Variants in DHRSX observed in about 807,000 individuals in gnomAD.
DHRSX encodes polyprenol dehydrogenase.
A neutral mutation model predicts 34.0 loss-of-function variants in DHRSX; 31 were observed. The ratio of observed to expected loss-of-function variants is 0.91; its 90% confidence interval spans 0.69 to 1.23. The LOEUF (loss-of-function observed/expected upper bound fraction) is 1.23. Among genes scored for constraint, DHRSX ranks in the 50% most tolerant of loss-of-function variants. The pLI is 0.00. For synonymous variants in DHRSX, 201 were observed against 183.8 expected, an observed-to-expected ratio of 1.09 and a Z score of -0.76; for missense variants, 414 against 428.1, an observed-to-expected ratio of 0.97 and a Z score of 0.29.
intron 1 of DHRSX, among the ~76,000 whole-genome samples, chrX:2,445,487 T>A (rs7056402): frequency 0.66 from 99,845 of 151,994 alleles, 33,972 homozygotes; most frequent in East Asian, 0.77. Flanking sequence ...TATTTGCTAC[T>A]ATCTGAAAGT....
rs74438281 is a variant in DHRSX, at chrX:2,357,827, C to T, written c.286+50918G>A. ...AGCCATTCATAGGGAAAGACAGGCA[C>T]TGTGTGTCAGATCAAGGATTCACCT... is the stretch of plus-strand genomic sequence containing the variant. On this transcript the variant is annotated intron_variant, in intron 3 of 6. Coordinates refer to ENST00000334651, the MANE Select transcript of DHRSX (RefSeq NM_145177.3). 6.7e-3 allele frequency among the ~76,000 whole-genome samples: 1,025 copies of T among 152,122 alleles called. 7 individuals are homozygous for T. The highest frequency in any genetic ancestry group is 0.015 in the South Asian group (72 of 4,822).
chrX:2,319,488 A>G (rs2042281062), intron 3 of DHRSX, among the ~76,000 whole-genome samples: 1 of 146,612 alleles, frequency 6.8e-6, no homozygotes, highest in African/African-American at 2.5e-5. Context: ...GGTTGCAGTG[A>G]GCCGAGATCG....
At chrX:2,483,230 T>C (rs1351776195) in intron 1 of DHRSX, among the ~76,000 whole-genome samples, 1 of 151,878 alleles carries the variant, frequency 6.6e-6, no homozygotes, top group African/African-American at 2.4e-5. Flanking sequence ...TGATCACACA[T>C]GCGTGCCACC....
At chrX:2,444,747 A>C (rs1360295096) in intron 1 of DHRSX, among the ~76,000 whole-genome samples, 1 of 152,062 alleles carries the variant, frequency 6.6e-6, no homozygotes, top group Non-Finnish European at 1.5e-5. Context: ...AGGTGGGAGC[A>C]TGGCTTGAGT....
chrX:2,293,724 G>C (rs1002153392), intron 3 of DHRSX, among the ~76,000 whole-genome samples: 1 of 152,092 alleles, frequency 6.6e-6, no homozygotes, highest in Admixed American at 6.6e-5. Context: ...CTCCTCACTG[G>C]GGAGCCTCAT....
At chrX:2,464,259 CT>C (rs2044448902) in intron 1 of DHRSX, among the ~76,000 whole-genome samples, 1 of 149,462 alleles carries the variant, frequency 6.7e-6, no homozygotes, top group Non-Finnish European at 1.5e-5. Context: ...GACCATTGCC[CT>C]TTGCACATTG....
chrX:2,370,371 C>T (rs1425049124), intron 3 of DHRSX, among the ~76,000 whole-genome samples: 1 of 152,002 alleles, frequency 6.6e-6, no homozygotes, highest in Non-Finnish European at 1.5e-5. Context: ...GGGGTTTCAC[C>T]ATGTTGGTCA....
chrX:2,248,534 A>C (rs2016353051), intron 5 of DHRSX, among the ~76,000 whole-genome samples: 1 of 149,646 alleles, frequency 6.7e-6, no homozygotes, highest in South Asian at 2.1e-4. Context: ...AATTGCTTGA[A>C]CCCAGAAGGT....
chrX:2,407,085 T>C (rs1187287519), intron 3 of DHRSX, among the ~76,000 whole-genome samples: 1 of 152,032 alleles, frequency 6.6e-6, no homozygotes, highest in Non-Finnish European at 1.5e-5. Flanking sequence ...TATGCAGCCA[T>C]GAAAAAGGAG....
In DHRSX at chrX:2,266,012, G is replaced by A. The variant is rs374442900; in HGVS notation, c.596+728C>T. On this transcript the variant is annotated intron_variant, in intron 5 of 6. Coordinates refer to ENST00000334651, the MANE Select transcript of DHRSX (RefSeq NM_145177.3). ...AGAGCACCAGTGCTCGGCAGACGCAGGAAGCACTGTTCCCAGAGCACCAGT... is the reference window on the plus strand; with the variant it reads ...AGAGCACCAGTGCTCGGCAGACGCAAGAAGCACTGTTCCCAGAGCACCAGT... Among the ~76,000 whole-genome samples, 29 of 142,168 alleles carry A rather than the reference G, an allele frequency of 2.0e-4. No individual in the cohort carries two copies. The East Asian group carries it at 5.9e-3, about 29-fold the overall frequency. 93.3% of individuals were successfully genotyped at this position (142,168 alleles called of 152,430 possible). A position where few individuals can be genotyped will look rare whatever the true frequency, so the allele number is the denominator to read the frequency against.
chrX:2,317,269 T>TTTTTTTTTTTTGG (rs1569487959), intron 3 of DHRSX, among the ~76,000 whole-genome samples: 1 of 132,844 alleles, frequency 7.5e-6, no homozygotes, highest in African/African-American at 2.9e-5. Context: ...TTTTTTTTTT[T>TTTTTTTTTTTTGG]GAGACAGAGT....
At chrX:2,369,396 ATGTCT>A (rs2043030764) in intron 3 of DHRSX, among the ~76,000 whole-genome samples, 1 of 152,190 alleles carries the variant, frequency 6.6e-6, no homozygotes, top group Non-Finnish European at 1.5e-5. Flanking sequence ...GCTTATCTTG[ATGTCT>A]TGTGAGTCAA....
intron 3 of DHRSX, among the ~76,000 whole-genome samples, chrX:2,318,698 C>T (rs185369969): frequency 2.6e-5 from 4 of 151,136 alleles, no homozygotes; most frequent in Non-Finnish European, 5.9e-5. Flanking sequence ...AGAAAACTCA[C>T]GAATAATCTT....
intron 1 of DHRSX, among the ~76,000 whole-genome samples, chrX:2,481,085 TGTTA>T (rs1444731216): frequency 2.0e-5 from 3 of 152,204 alleles, no homozygotes; most frequent in Admixed American, 1.3e-4. Flanking sequence ...ATTATTGATA[TGTTA>T]ATTAGGTTAA....
rs2041482721 is a variant in DHRSX at position 2,266,909 on chromosome X, C to T, written c.427G>A (p.Gly143Arg). 5.0e-6 allele frequency: 8 copies of T among 1,613,946 alleles called. No homozygotes were observed. Among genetic ancestry groups the T allele is most frequent in the Non-Finnish European group, 6.8e-6 (8 of 1,179,866 alleles). Residue 143 changes from glycine to arginine, a missense_variant, in exon 5 of 7, where the codon GGA (glycine) becomes AGA (arginine). By Grantham distance (125) the Gly-to-Arg change is moderately radical. Transcript: ENST00000334651. ...TTCAGGCCGAAATGTTCTTCGAATC[C>T]ATCTCTGGTTTTCCTCTGAGGGACC... is the stretch of plus-strand genomic sequence containing the variant. ...MMVPQRKTRD[G>R]FEEHFGLNYL...
chrX:2,368,258 A>G (rs1390234877), intron 3 of DHRSX, among the ~76,000 whole-genome samples: 1 of 150,508 alleles, frequency 6.6e-6, no homozygotes. Context: ...AAAAAAAAAG[A>G]AAAAAGGTCT....
chrX:2,491,932 C>T (rs2045158681), intron 1 of DHRSX, among the ~76,000 whole-genome samples: 1 of 152,160 alleles, frequency 6.6e-6, no homozygotes, highest in African/African-American at 2.4e-5. Flanking sequence ...ACTCAGGAGG[C>T]CACCTCTGTG....
intron 5 of DHRSX, among the ~76,000 whole-genome samples, chrX:2,260,377 G>A (rs142058625): frequency 1.5e-3 from 223 of 152,120 alleles, no homozygotes; most frequent in African/African-American, 4.9e-3. Context: ...CTGGGTGTGT[G>A]GCCGCATCAC....
intron 1 of DHRSX, among the ~76,000 whole-genome samples, chrX:2,484,118 GC>G (rs2044820225): frequency 6.6e-6 from 1 of 152,058 alleles, no homozygotes; most frequent in Admixed American, 6.6e-5. Context: ...GATTACAGGT[GC>G]CCACCACCAT....
Sources: allele counts gnomAD v4.1 joint callset (sites outside exome capture counted in the v4.1 genomes callset), GRCh38; gene constraint gnomAD v4.1.1; transcripts MANE v1.5; gene names NCBI Gene and HGNC (gene_info 2026-07-23, HGNC 2026-07-21).